The following ITPR3 variants were observed in gnomAD, a reference collection of about 807,000 sequenced individuals.
ITPR3 encodes the protein inositol 1,4,5-trisphosphate-gated calcium channel ITPR3.
Under a neutral mutation model 293.2 loss-of-function variants are expected in ITPR3, and 173 were observed. The observed-to-expected ratio is 0.59, with a 90% CI of 0.52 to 0.67. The LOEUF (loss-of-function observed/expected upper bound fraction) is 0.67. Ranked by LOEUF, ITPR3 falls within the 30% of genes least tolerant of loss-of-function variation. ITPR3 has a pLI of 0.00. For missense variants in ITPR3, 2,796 were observed against 3,592.1 expected (o/e 0.78, Z 5.66); for synonymous variants, 1,295 against 1,444.4 (o/e 0.90, Z 2.35).
intron 21 of ITPR3, 103 bp downstream of exon 21, chr6:33,671,409 C>A: frequency 6.3e-6 from 5 of 790,424 alleles, no homozygotes; most frequent in South Asian, 1.7e-5. Flanking sequence ...GCATTCCCCC[C>A]ACCCAACCTG....
At chr6:33,695,222 C>A (rs751987102) in intron 57 of ITPR3, 137 bp downstream of exon 57, 1 of 896,586 alleles carries the variant, frequency 1.1e-6, no homozygotes, top group Non-Finnish European at 1.7e-6. Flanking sequence ...AGGTGCCAAA[C>A]CCACTCTCCC....
intron 22 of ITPR3, among the ~76,000 whole-genome samples, chr6:33,673,150 TCTC>T (rs1582144591): frequency 6.6e-6 from 1 of 152,150 alleles, no homozygotes; most frequent in Non-Finnish European, 1.5e-5. Flanking sequence ...CACAGTAGCC[TCTC>T]CTCCTCCCTC....
chr6:33,623,331 T>TG (rs1467896558), intron 1 of ITPR3, among the ~76,000 whole-genome samples: 3 of 147,152 alleles, frequency 2.0e-5, no homozygotes, highest in Admixed American at 6.8e-5. Flanking sequence ...GTTTTGTTTT[T>TG]TTTTTTTTTT....
At position 33,669,111 on chromosome 6, in the gene ITPR3, C is replaced by T. The variant is rs771869292; in HGVS notation, c.2144C>T (p.Ala715Val). ...EKSVRQLAQE[A>V]RAGNAHDENV... is the part of the protein sequence containing the mutation. The stretch of plus-strand genomic sequence containing the variant: ...AGTGTGAGGCAGCTGGCCCAGGAGG[C>T]GCGGGCCGGCAACGCCCACGACGAG... Residue 715 changes from alanine to valine, a missense_variant, in exon 18 of 58, where the codon GCG becomes GTG. By Grantham distance (64) the Ala-to-Val change is moderately conservative. Around this residue, in one of 8 missense-constraint regions of ITPR3, gnomAD observed 955 missense variants for 1,180.8 expected, o/e 0.81. Coordinates refer to ENST00000605930, the MANE Select transcript of ITPR3 (RefSeq NM_002224.4). 6 of 1,614,084 alleles carry T rather than the reference C, an allele frequency of 3.7e-6. No homozygotes were observed. The highest frequency in any genetic ancestry group is 4.5e-5 in the East Asian group (2 of 44,880).
chr6:33,672,356 C>A lies in ITPR3; in HGVS notation c.2928+128C>A. 1.2e-6 allele frequency: 1 copy of A among 814,782 alleles called. No individual in the cohort carries two copies. Among genetic ancestry groups the A allele is most frequent in the Non-Finnish European group, 1.9e-6 (1 of 527,046 alleles). The allele number at this position is 814,782 out of a possible 1,614,324, so 50.5% of individuals were successfully genotyped here. On this transcript the variant is annotated intron_variant, in intron 22 of 57. Coordinates refer to ENST00000605930, the MANE Select transcript of ITPR3 (RefSeq NM_002224.4). The surrounding 1 kb of genome is among the most constrained non-coding windows in gnomAD (Gnocchi z 5.0). ...TTAGTACTGGAAGTCTCCATCGTGA[C>A]TGGCTGTCAGGCCCAGCGGTTCCCA...
rs893431706 is a variant in ITPR3, at chr6:33,679,694, T to C, written c.3973-188T>C. Among the ~76,000 whole-genome samples the C allele has an allele frequency of 6.6e-6, 1 of 152,070 alleles. No individual in the cohort carries two copies. Among genetic ancestry groups the C allele is most frequent in the African/African-American group, 2.4e-5 (1 of 41,388 alleles). The stretch of plus-strand genomic sequence containing the variant: ...GGGACTTTCTGGGTCATGGGGTCAA[T>C]ATCTCTGCTGGCAGAGGGCCTGAGA... On this transcript the variant is annotated intron_variant, in intron 30 of 57. Coordinates refer to ENST00000605930, the MANE Select transcript of ITPR3 (RefSeq NM_002224.4). This position sits in a 1 kb window ranked among gnomAD's most constrained non-coding sequence, Gnocchi z 4.2.
rs761812094 is a variant in ITPR3 at position 33,688,699 on chromosome 6, G to C, written c.6612G>C (p.Trp2204Cys). ...IYWFSRRMTL[W>C]GSISFNLAVF... ...GGTTCTCCCGCCGCATGACCCTGTG[G>C]GGCAGCATCTCCTTCAACCTGGCCG... Residue 2204 changes from tryptophan to cysteine, a missense_variant, in exon 49 of 58, where the codon TGG becomes TGC. Around this residue, in one of 8 missense-constraint regions of ITPR3, gnomAD observed 568 missense variants for 796.1 expected, o/e 0.71. Coordinates refer to ENST00000605930, the MANE Select transcript of ITPR3 (RefSeq NM_002224.4). 1.9e-6 allele frequency: 3 copies of C among 1,614,098 alleles called. No homozygotes were observed. The highest frequency in any genetic ancestry group is 1.7e-5 in the Admixed American group (1 of 60,012).
intron 2 of ITPR3, among the ~76,000 whole-genome samples, chr6:33,653,452 GC>G (rs1764239014): frequency 6.6e-6 from 1 of 152,040 alleles, no homozygotes; most frequent in Admixed American, 6.6e-5. Context: ...AGCCACACAT[GC>G]ACCCATTTGG....
intron 2 of ITPR3, among the ~76,000 whole-genome samples, chr6:33,643,866 A>T (rs939945773): frequency 6.6e-6 from 1 of 152,122 alleles, no homozygotes; most frequent in Non-Finnish European, 1.5e-5. Context: ...TGTTATTGTG[A>T]TTAAGATATA....
intron 2 of ITPR3, among the ~76,000 whole-genome samples, chr6:33,643,231 C>T (rs1763988868): frequency 1.3e-5 from 2 of 152,188 alleles, no homozygotes; most frequent in African/African-American, 4.8e-5. Flanking sequence ...CTGCCCCCCA[C>T]CATCTTGGGG....
At position 33,633,758 on chromosome 6, in the gene ITPR3, G is replaced by C. The variant is rs1194316568; in HGVS notation, c.90-6726G>C. On this transcript the variant is annotated intron_variant, in intron 1 of 57. Transcript: ENST00000605930. The surrounding 1 kb of genome is among the most constrained non-coding windows in gnomAD (Gnocchi z 5.2). ...GTTTCGCTTCGCCGCGGGGGCGGGG[G>C]CGGGGCCGGGGCCGGGGCCGGACGC... Among the ~76,000 whole-genome samples the C allele has an allele frequency of 4.8e-5, 7 of 145,004 alleles. No homozygotes were observed. Among genetic ancestry groups the C allele is most frequent in the Non-Finnish European group, 9.2e-5 (6 of 65,238 alleles).
intron 21 of ITPR3, among the ~76,000 whole-genome samples, chr6:33,671,810 C>T (rs1298670006): frequency 6.6e-6 from 1 of 152,190 alleles, no homozygotes; most frequent in Non-Finnish European, 1.5e-5. Context: ...CCACACAGCT[C>T]ACCTTTGCCC....
intron 1 of ITPR3, among the ~76,000 whole-genome samples, chr6:33,636,432 G>A (rs1763825692): frequency 6.6e-6 from 1 of 152,090 alleles, no homozygotes; most frequent in African/African-American, 2.4e-5. Context: ...TGGGAGCCTG[G>A]ACAATGTGGT....
intron 2 of ITPR3, among the ~76,000 whole-genome samples, chr6:33,649,683 G>A (rs1041412243): frequency 2.0e-5 from 3 of 152,214 alleles, no homozygotes; most frequent in African/African-American, 7.2e-5. Context: ...TTACATTACT[G>A]CAACCGTATA....
At position 33,667,641 on chromosome 6, in the gene ITPR3, C is replaced by A; in HGVS notation, c.1714-151C>A. 1 of 854,870 alleles carries A rather than the reference C, an allele frequency of 1.2e-6. No homozygotes were observed. The highest frequency in any genetic ancestry group is 1.8e-6 in the Non-Finnish European group (1 of 561,176). 53.0% of individuals were successfully genotyped at this position (854,870 alleles called of 1,614,324 possible). A position where few individuals can be genotyped will look rare whatever the true frequency, so the allele number is the denominator to read the frequency against. ...AAATAACTATGTAATGTAAGCCACTCTTCTGCCCAGCGATGCTTCCTTTCC... is the reference window on the plus strand; with the variant it reads ...AAATAACTATGTAATGTAAGCCACTATTCTGCCCAGCGATGCTTCCTTTCC... On this transcript the variant is annotated intron_variant, in intron 15 of 57. Transcript: ENST00000605930. This position sits in a 1 kb window ranked among gnomAD's most constrained non-coding sequence, Gnocchi z 4.4.
Position 33,623,321 on chromosome 6 carries a change from G to GTTTTTTTTTTTTTTTTTTTTTTTTT in ITPR3, c.89+1634_89+1635insTTTTTTTTTTTTTTTTTTTTTTTTT, listed in dbSNP as rs150420581. ...CATGATGATTTTCAAGTGCCTGTGAGTTTTGTTTTTTTTTTTTTTTTTTAA... is the reference window on the plus strand; with the variant it reads ...CATGATGATTTTCAAGTGCCTGTGAGTTTTTTTTTTTTTTTTTTTTTTTTTTTTTGTTTTTTTTTTTTTTTTTTAA... On this transcript the variant is annotated intron_variant, in intron 1 of 57. Transcript: ENST00000605930. 3.4e-5 allele frequency among the ~76,000 whole-genome samples: 4 copies of GTTTTTTTTTTTTTTTTTTTTTTTTT among 118,266 alleles called. 2 individuals are homozygous for GTTTTTTTTTTTTTTTTTTTTTTTTT. Among genetic ancestry groups the GTTTTTTTTTTTTTTTTTTTTTTTTT allele is most frequent in the Non-Finnish European group, 3.4e-5 (2 of 59,608 alleles). 77.6% of individuals were successfully genotyped at this position (118,266 alleles called of 152,430 possible). A position where few individuals can be genotyped will look rare whatever the true frequency, so the allele number is the denominator to read the frequency against.
intron 20 of ITPR3, 80 bp from the exon 21 acceptor site, chr6:33,671,085 A>G (rs550403738): frequency 6.3e-7 from 1 of 1,576,816 alleles, no homozygotes; most frequent in South Asian, 1.2e-5. Context: ...TAGTTTCCCC[A>G]GTCCTGGCCT....
chr6:33,679,915 T>C lies in ITPR3; in HGVS notation c.4006T>C (p.Tyr1336His). ...TGCAGGTGACGATGTGGTCGTGTTC[T>C]ACAATGATAAGGCATCGCTGGCCCA... ...TNAGDDVVVF[Y>H]NDKASLAHLL... is the part of the protein sequence containing the mutation. Residue 1336 changes from tyrosine to histidine, a missense_variant, in exon 31 of 58, where the codon TAC becomes CAC. This residue lies in a region of ITPR3 where 344 missense variants were observed against 460.3 expected (regional missense o/e 0.75). Transcript: ENST00000605930. This position sits in a 1 kb window ranked among gnomAD's most constrained non-coding sequence, Gnocchi z 4.2. The C allele has an allele frequency of 1.2e-6, 2 of 1,613,798 alleles. No individual in the cohort carries two copies. Among genetic ancestry groups the C allele is most frequent in the Non-Finnish European group, 1.7e-6 (2 of 1,179,994 alleles).
intron 7 of ITPR3, among the ~76,000 whole-genome samples, chr6:33,661,417 A>C (rs979315313): frequency 8.5e-5 from 13 of 152,200 alleles, no homozygotes; most frequent in South Asian, 2.1e-4. Flanking sequence ...CATTAGTTGC[A>C]TGACCCTCGG....
Sources: allele counts gnomAD v4.1 joint callset (sites outside exome capture counted in the v4.1 genomes callset), GRCh38; gene constraint gnomAD v4.1.1; regional missense constraint gnomAD v4.1.1; non-coding constraint Gnocchi (gnomAD v3.1); transcripts MANE v1.5; gene names NCBI Gene and HGNC (gene_info 2026-07-23, HGNC 2026-07-21).